FXR2: variants seen among roughly 807,000 people sequenced by gnomAD.
FXR2 encodes FMR1 autosomal homolog 2.
A neutral mutation model predicts 87.3 loss-of-function variants in FXR2; 9 were observed. The ratio of observed to expected loss-of-function variants is 0.10; its 90% CI spans 0.06 to 0.18. The LOEUF (loss-of-function observed/expected upper bound fraction) is 0.18. FXR2 is among the 10% of genes least tolerant of loss of function. The pLI is 1.00. For missense variants in FXR2, 661 were observed against 893.6 expected (o/e 0.74, Z 3.32); for synonymous variants, 331 against 328.3 (o/e 1.01, Z -0.09).
Position 7,592,053 on chromosome 17 carries a change from T to C in FXR2, c.1927-128A>G, listed in dbSNP as rs2071666519. 1 of 1,376,084 alleles carries C rather than the reference T, an allele frequency of 7.3e-7. No homozygotes were observed. Among genetic ancestry groups the C allele is most frequent in the Non-Finnish European group, 9.7e-7 (1 of 1,031,922 alleles). The allele number at this position is 1,376,084 out of a possible 1,614,324, so 85.2% of individuals were successfully genotyped here. The stretch of plus-strand genomic sequence containing the variant: ...TCCAGAGGTTGGTTCCCTGATCTCA[T>C]GATCCAGTCTCTCTTACTTGGGATC... On this transcript the variant is annotated intron_variant, in intron 16 of 16. Transcript: ENST00000250113. This position sits in a 1 kb window ranked among gnomAD's most constrained non-coding sequence, Gnocchi z 4.8.
chr17:7,610,015 T>C lies in FXR2; in HGVS notation c.82-3866A>G, dbSNP rs542038510. Reference sequence around the variant, plus strand: ...ACATGTATATGTATACATATATATATACATGTATATGTATACATGTATGTA... The same window carrying C: ...ACATGTATATGTATACATATATATACACATGTATATGTATACATGTATGTA... On this transcript the variant is annotated intron_variant, in intron 1 of 16. Transcript: ENST00000250113. 9.3e-4 allele frequency among the ~76,000 whole-genome samples: 130 copies of C among 139,982 alleles called. 3 individuals carry two copies. The highest frequency in any genetic ancestry group is 2.8e-3 in the African/African-American group (106 of 37,784). 91.8% of individuals were successfully genotyped at this position (139,982 alleles called of 152,430 possible). A position where few individuals can be genotyped will look rare whatever the true frequency, so the allele number is the denominator to read the frequency against.
Position 7,593,907 on chromosome 17 carries a change from G to C in FXR2, c.1107+11C>G, listed in dbSNP as rs1245230448. On this transcript the variant is annotated intron_variant, in intron 11 of 16. Transcript: ENST00000250113. This position sits in a 1 kb window ranked among gnomAD's most constrained non-coding sequence, Gnocchi z 6.1. ...TTCACACCCAGCATTTTTCTCTCCC[G>C]GCCTGGGTACCTGCAGGTAGGAGAG... 1 of 1,561,232 alleles carries C rather than the reference G, an allele frequency of 6.4e-7. No individual in the cohort carries two copies. Among genetic ancestry groups the C allele is most frequent in the East Asian group, 2.2e-5 (1 of 44,668 alleles).
rs185576911 is a variant in FXR2 at position 7,610,090 on chromosome 17, G to A, written c.82-3941C>T. On this transcript the variant is annotated intron_variant, in intron 1 of 16. Transcript: ENST00000250113. ...CATATATATAAATTAGCCAGGCGTG[G>A]TGGCACATGGCTGTAACCTCAGCTA... 8.6e-5 allele frequency among the ~76,000 whole-genome samples: 13 copies of A among 151,196 alleles called. No individual in the cohort carries two copies. In the East Asian group the frequency reaches 2.5e-3, roughly 29 times the overall value.
chr17:7,614,396 C>T, intron 1 of FXR2, 56 bp downstream of exon 1: 2 of 1,307,554 alleles, frequency 1.5e-6, no homozygotes, highest in Non-Finnish European at 2.1e-6. Context: ...CGCGTTCCTG[C>T]TCCGGCCAGG....
intron 6 of FXR2, among the ~76,000 whole-genome samples, chr17:7,602,582 T>C (rs1352484660): frequency 2.9e-5 from 4 of 140,014 alleles, no homozygotes; most frequent in Admixed American, 7.1e-5. Context: ...AAAAAAAAAT[T>C]AGCCGGCGTG....
At chr17:7,597,049 G>A (rs1451943656) in intron 7 of FXR2, among the ~76,000 whole-genome samples, 2 of 152,126 alleles carry the variant, frequency 1.3e-5, no homozygotes, top group South Asian at 2.1e-4. Flanking sequence ...ACAGTGAGCC[G>A]AGGTCATGCC....
At position 7,593,633 on chromosome 17, in the gene FXR2, G is replaced by T; in HGVS notation, c.1108-8C>A. The T allele has an allele frequency of 1.3e-6, 2 of 1,554,120 alleles. No homozygotes were observed. The highest frequency in any genetic ancestry group is 2.3e-5 in the South Asian group (2 of 85,398). On this transcript the variant is annotated splice_polypyrimidine_tract_variant and splice_region_variant and intron_variant, in intron 11 of 16. Coordinates refer to ENST00000250113, the MANE Select transcript of FXR2 (RefSeq NM_004860.4). This position sits in a 1 kb window ranked among gnomAD's most constrained non-coding sequence, Gnocchi z 6.1. ...GCGAAGCTGCTCTACCTCCTGGTTG[G>T]GTAAAAGATGGAAGAAGGGGAAGGA...
At chr17:7,603,086 C>T in intron 5 of FXR2, 84 bp from the exon 6 acceptor site, 3 of 699,694 alleles carry the variant, frequency 4.3e-6, no homozygotes, top group Non-Finnish European at 7.6e-6. Context: ...GTGGTTTGCA[C>T]CTGTAATCCT....
At chr17:7,608,662 C>A (rs1044388560) in intron 1 of FXR2, among the ~76,000 whole-genome samples, 2 of 151,172 alleles carry the variant, frequency 1.3e-5, no homozygotes, top group Non-Finnish European at 2.9e-5. Flanking sequence ...ACAAGACTAT[C>A]CTTTCTTAGC....
intron 7 of FXR2, among the ~76,000 whole-genome samples, chr17:7,597,651 C>T (rs1169802857): frequency 6.6e-6 from 1 of 152,142 alleles, no homozygotes; most frequent in Non-Finnish European, 1.5e-5. Context: ...TCAGGCAATC[C>T]ACCTGCCTCG....
intron 5 of FXR2, among the ~76,000 whole-genome samples, chr17:7,603,429 A>G (rs1307614885): frequency 6.6e-6 from 1 of 150,918 alleles, no homozygotes; most frequent in Non-Finnish European, 1.5e-5. Context: ...CGGGAGGCTG[A>G]GGCAGGAGAA....
intron 7 of FXR2, 24 bp downstream of exon 7, chr17:7,601,385 G>T: frequency 8.1e-7 from 1 of 1,235,906 alleles, no homozygotes; most frequent in Non-Finnish European, 1.2e-6. Flanking sequence ...CCCTTCAGCA[G>T]AAGGAAAAGG....
chr17:7,596,250 C>T (rs895830550), intron 7 of FXR2: 8 of 316,930 alleles, frequency 2.5e-5, no homozygotes, highest in South Asian at 9.0e-5. Flanking sequence ...CTCCGCCTCT[C>T]GACTTCAAGT....
chr17:7,614,392 C>T (rs1369507739), intron 1 of FXR2, 60 bp downstream of exon 1: 2 of 1,267,762 alleles, frequency 1.6e-6, no homozygotes, highest in Non-Finnish European at 2.2e-6. Flanking sequence ...CCCACGCGTT[C>T]CTGCTCCGGC....
In FXR2 at chr17:7,593,832, C is replaced by G. The variant is rs923839209; in HGVS notation, c.1107+86G>C. 5 of 972,842 alleles carry G rather than the reference C, an allele frequency of 5.1e-6. No homozygotes were observed. The highest frequency in any genetic ancestry group is 8.2e-6 in the Non-Finnish European group (5 of 606,688). 60.3% of individuals were successfully genotyped at this position (972,842 alleles called of 1,614,324 possible). On this transcript the variant is annotated intron_variant, in intron 11 of 16. Coordinates refer to ENST00000250113, the MANE Select transcript of FXR2 (RefSeq NM_004860.4). This position sits in a 1 kb window ranked among gnomAD's most constrained non-coding sequence, Gnocchi z 6.1. The stretch of plus-strand genomic sequence containing the variant: ...TTTCTGTTCTACACGGAGAGACAAA[C>G]AGAGAACCAAAATCCCTGAGCTGAC...
Position 7,594,257 on chromosome 17 carries a change from T to C in FXR2, c.1001A>G (p.Lys334Arg). 6.2e-7 allele frequency: 1 copy of C among 1,604,838 alleles called. No individual in the cohort carries two copies. The highest frequency in any genetic ancestry group is 8.5e-7 in the Non-Finnish European group (1 of 1,171,586). ...CCATACCTCCTCCCTGGGGTTCTTC[T>C]TGTCATTATCACCTTCCACTCGAAC... ...VRVRVEGDND[K>R]KNPREEGMVP... Residue 334 changes from lysine to arginine, a missense_variant, in exon 10 of 17, where the codon AAG (lysine) becomes AGG (arginine). Lys to Arg is a conservative substitution (Grantham distance 26). Around this residue, in one of 3 missense-constraint regions of FXR2, gnomAD observed 82 missense variants for 214.4 expected, o/e 0.38. Transcript: ENST00000250113. The surrounding 1 kb of genome is among the most constrained non-coding windows in gnomAD (Gnocchi z 5.1).
rs1272307069 is a variant in FXR2 at position 7,594,791 on chromosome 17, A to G, written c.832-34T>C. 7.6e-7 allele frequency: 1 copy of G among 1,309,566 alleles called. No homozygotes were observed. Among genetic ancestry groups the G allele is most frequent in the Non-Finnish European group, 1.1e-6 (1 of 902,268 alleles). 81.1% of individuals were successfully genotyped at this position (1,309,566 alleles called of 1,614,324 possible). A position where few individuals can be genotyped will look rare whatever the true frequency, so the allele number is the denominator to read the frequency against. On this transcript the variant is annotated intron_variant, in intron 8 of 16. Transcript: ENST00000250113. The surrounding 1 kb of genome is among the most constrained non-coding windows in gnomAD (Gnocchi z 5.1). ...AGAACAGCAGGGAGTTGTTACTAAA[A>G]CAGAAGACCAGCTGGATGTGGTGGC...
intron 1 of FXR2, chr17:7,614,163 G>A (rs1218322792): frequency 6.3e-6 from 4 of 638,320 alleles, no homozygotes; most frequent in African/African-American, 1.8e-5. Context: ...TGGGTAAAGG[G>A]GTCTCTCCTG....
At position 7,593,352 on chromosome 17, in the gene FXR2, C is replaced by A; in HGVS notation, c.1330+51G>T. ...CAAACTTCCATCCAGACCTCTGCCT[C>A]TACCCACAAGCCCTGCCACTCCTTG... On this transcript the variant is annotated intron_variant, in intron 12 of 16. Transcript: ENST00000250113. This position sits in a 1 kb window ranked among gnomAD's most constrained non-coding sequence, Gnocchi z 6.1. The A allele has an allele frequency of 7.1e-7, 1 of 1,411,208 alleles. No individual in the cohort carries two copies. The allele number at this position is 1,411,208 out of a possible 1,614,324, so 87.4% of individuals were successfully genotyped here.
Sources: allele counts gnomAD v4.1 joint callset (sites outside exome capture counted in the v4.1 genomes callset), GRCh38; gene constraint gnomAD v4.1.1; regional missense constraint gnomAD v4.1.1; non-coding constraint Gnocchi (gnomAD v3.1); transcripts MANE v1.5; gene names NCBI Gene and HGNC (gene_info 2026-07-23, HGNC 2026-07-21).